Variants in NRXN3 observed in about 807,000 individuals in gnomAD.
NRXN3 encodes the protein neurexin III.
NRXN3 carries 32 observed loss-of-function variants against 137.6 expected under a neutral mutation model. The ratio of observed to expected loss-of-function variants is 0.23; its 90% CI spans 0.18 to 0.31. The LOEUF is 0.31. Ranked by LOEUF, NRXN3 falls within the 10% of genes least tolerant of loss-of-function variation. The pLI, the probability that NRXN3 is intolerant of heterozygous loss-of-function variation, is 1.00. For missense variants in NRXN3, 1,574 were observed against 2,062.5 expected (o/e 0.76, Z 4.59); for synonymous variants, 798 against 784.5 (o/e 1.02, Z -0.29).
At chr14:78,327,786 T>C (rs949713749) in intron 4 of NRXN3, among the ~76,000 whole-genome samples, 5 of 152,102 alleles carry the variant, frequency 3.3e-5, no homozygotes, top group African/African-American at 1.2e-4. Context: ...TGATAAATGC[T>C]ACAAAGAAAG....
At chr14:78,440,294 T>G (rs111271574) in intron 4 of NRXN3, among the ~76,000 whole-genome samples, 1 of 152,092 alleles carries the variant, frequency 6.6e-6, no homozygotes, top group Non-Finnish European at 1.5e-5. Flanking sequence ...CCCTGGCACA[T>G]GAGTCACCCA....
rs527377012 is a variant in NRXN3, at chr14:79,388,429, G to A, written c.3263-78792G>A. Among the ~76,000 whole-genome samples, 40 of 152,046 alleles carry A rather than the reference G, an allele frequency of 2.6e-4. No individual in the cohort carries two copies. In the South Asian group the frequency reaches 5.2e-3, roughly 20 times the overall value. On this transcript the variant is annotated intron_variant, in intron 15 of 20. Coordinates refer to ENST00000335750, the MANE Select transcript of NRXN3 (RefSeq NM_001330195.2). ...GCTACTATTAGCAGATGATTTGTGC[G>A]TATGTCTTGCCCTGTTCAGCTTTGA...
At chr14:79,155,196 G>A (rs1430120180) in intron 15 of NRXN3, among the ~76,000 whole-genome samples, 1 of 151,866 alleles carries the variant, frequency 6.6e-6, no homozygotes, top group Non-Finnish European at 1.5e-5. Flanking sequence ...GAAATATAAA[G>A]CTATGTGTTT....
At chr14:79,355,037 T>C (rs1252357353) in intron 15 of NRXN3, among the ~76,000 whole-genome samples, 1 of 152,204 alleles carries the variant, frequency 6.6e-6, no homozygotes, top group African/African-American at 2.4e-5. Flanking sequence ...GGATGGTTTT[T>C]TAACAATGTT....
chr14:79,579,730 C>T (rs574792420), intron 16 of NRXN3, among the ~76,000 whole-genome samples: 6 of 152,088 alleles, frequency 3.9e-5, no homozygotes, highest in East Asian at 1.9e-4. Flanking sequence ...GCATGCATAA[C>T]GTGTAATGAT....
At position 78,752,133 on chromosome 14, in the gene NRXN3, G is replaced by A. The variant is rs565243761; in HGVS notation, c.2044+36994G>A. 2.0e-4 allele frequency among the ~76,000 whole-genome samples: 31 copies of A among 152,338 alleles called. No homozygotes were observed. The East Asian group carries it at 2.5e-3, about 12-fold the overall frequency. On this transcript the variant is annotated intron_variant, in intron 8 of 20. Transcript: ENST00000335750. Reference sequence around the variant, plus strand: ...AAAAGAGCATTTTGGGGCCAGGCGCGGTGGCTCATGCCTGTAATCCCAGCA... The same window carrying A: ...AAAAGAGCATTTTGGGGCCAGGCGCAGTGGCTCATGCCTGTAATCCCAGCA...
chr14:79,604,802 C>T (rs974964995), intron 16 of NRXN3, among the ~76,000 whole-genome samples: 3 of 151,864 alleles, frequency 2.0e-5, no homozygotes, highest in Non-Finnish European at 2.9e-5. Flanking sequence ...GAGGCTGAGG[C>T]GGGCGGATCA....
At chr14:78,341,671 T>C (rs2082160549) in intron 4 of NRXN3, among the ~76,000 whole-genome samples, 1 of 152,182 alleles carries the variant, frequency 6.6e-6, no homozygotes, top group African/African-American at 2.4e-5. Context: ...AGGGAAGGCT[T>C]GTACTAGAAG....
chr14:78,917,106 G>C (rs1008435377), intron 10 of NRXN3, among the ~76,000 whole-genome samples: 4 of 152,156 alleles, frequency 2.6e-5, no homozygotes, highest in African/African-American at 7.2e-5. Flanking sequence ...TGTTTGGAGG[G>C]ACAGAATTCA....
chr14:78,644,312 G>A (rs1041254164), intron 4 of NRXN3, among the ~76,000 whole-genome samples: 1 of 152,034 alleles, frequency 6.6e-6, no homozygotes, highest in Non-Finnish European at 1.5e-5. Context: ...AGTAGAATGC[G>A]ATCTTGGCCC....
intron 16 of NRXN3, among the ~76,000 whole-genome samples, chr14:79,638,552 T>C (rs2098417258): frequency 1.3e-5 from 2 of 152,320 alleles, no homozygotes; most frequent in Non-Finnish European, 2.9e-5. Flanking sequence ...AAGAAAGATA[T>C]AGAAATTTGT....
chr14:79,138,837 T>A (rs1354577737), intron 15 of NRXN3, among the ~76,000 whole-genome samples: 2 of 152,238 alleles, frequency 1.3e-5, no homozygotes, highest in Non-Finnish European at 2.9e-5. Flanking sequence ...AAACATTGCC[T>A]ATTTTTTTCT....
chr14:79,085,667 G>A (rs866051302), intron 15 of NRXN3, among the ~76,000 whole-genome samples: 1 of 152,182 alleles, frequency 6.6e-6, no homozygotes, highest in Non-Finnish European at 1.5e-5. Flanking sequence ...ACCTACCCAA[G>A]GGAAAGGAAG....
chr14:78,778,728 T>TTC (rs1219803376), intron 8 of NRXN3, among the ~76,000 whole-genome samples: 1 of 134,674 alleles, frequency 7.4e-6, no homozygotes, highest in Non-Finnish European at 1.6e-5. Flanking sequence ...CTTTCTTTCT[T>TTC]TCTCTCTCTC....
chr14:78,316,026 C>T (rs1270793113), intron 4 of NRXN3, among the ~76,000 whole-genome samples: 1 of 152,104 alleles, frequency 6.6e-6, no homozygotes, highest in African/African-American at 2.4e-5. Flanking sequence ...TAGAGGTTGG[C>T]CCATTGTACT....
At chr14:79,803,747 A>G (rs983892137) in intron 19 of NRXN3, among the ~76,000 whole-genome samples, 1 of 151,954 alleles carries the variant, frequency 6.6e-6, no homozygotes, top group African/African-American at 2.4e-5. Flanking sequence ...TATTTATTCA[A>G]ATTCCCACTA....
intron 4 of NRXN3, among the ~76,000 whole-genome samples, chr14:78,400,185 A>T (rs1328724971): frequency 6.6e-6 from 1 of 152,220 alleles, no homozygotes; most frequent in Non-Finnish European, 1.5e-5. Flanking sequence ...TTTCTCTCAG[A>T]CATAGAAAAA....
At chr14:78,820,418 T>C (rs2098947404) in intron 10 of NRXN3, among the ~76,000 whole-genome samples, 1 of 106,996 alleles carries the variant, frequency 9.3e-6, no homozygotes, top group South Asian at 3.8e-4. Flanking sequence ...CCAGGAGATG[T>C]TATTTCTAAA....
chr14:78,266,952 C>T (rs1411885446), intron 2 of NRXN3, among the ~76,000 whole-genome samples: 1 of 152,156 alleles, frequency 6.6e-6, no homozygotes, highest in Non-Finnish European at 1.5e-5. Context: ...CTCATTCTGT[C>T]AGGGCAAGGA....
Sources: gnomAD v4.1 joint callset for allele counts (sites outside exome capture counted in the v4.1 genomes callset) on GRCh38, gnomAD v4.1.1 for gene constraint, MANE v1.5 for transcripts, NCBI Gene and HGNC (gene_info 2026-07-23, HGNC 2026-07-21) for gene names.